PDCD6IP: variants seen among roughly 807,000 people sequenced by gnomAD.
The protein encoded by PDCD6IP is programmed cell death 6-interacting protein.
In PDCD6IP, 43 loss-of-function variants were observed where a neutral mutation model predicts 103.7. The ratio of observed to expected loss-of-function variants is 0.41; its 90% CI spans 0.32 to 0.53. PDCD6IP has a LOEUF of 0.53. Ranked by LOEUF, PDCD6IP falls within the 20% of genes least tolerant of loss-of-function variation. The probability of loss-of-function intolerance (pLI) is 0.16; values close to 1 mark genes in which losing one functional copy is unlikely to be tolerated. For missense variants in PDCD6IP, 871 were observed against 1,036.7 expected (o/e 0.84, Z 2.20); for synonymous variants, 354 against 378.7 (o/e 0.93, Z 0.76).
At chr3:33,845,658 G>C in intron 12 of PDCD6IP, 70 bp downstream of exon 12, 3 of 1,178,552 alleles carry the variant, frequency 2.5e-6, no homozygotes, top group Admixed American at 2.4e-5. Context: ...TTTATATAAT[G>C]AACTGCCAAT....
intron 1 of PDCD6IP, among the ~76,000 whole-genome samples, chr3:33,809,911 G>C (rs1696679586): frequency 6.6e-6 from 1 of 152,186 alleles, no homozygotes; most frequent in Non-Finnish European, 1.5e-5. Context: ...CCAGCGAAGT[G>C]ATGCTGTGTT....
intron 12 of PDCD6IP, among the ~76,000 whole-genome samples, chr3:33,850,069 T>G (rs1315302941): frequency 1.3e-5 from 2 of 152,220 alleles, no homozygotes; most frequent in African/African-American, 4.8e-5. Flanking sequence ...GTAATATGAT[T>G]GAATACTTAC....
At chr3:33,836,309 A>G (rs1559786758) in intron 8 of PDCD6IP, 43 bp downstream of exon 8, 2 of 1,132,672 alleles carry the variant, frequency 1.8e-6, no homozygotes, top group East Asian at 2.4e-5. Flanking sequence ...ATTTTTCTCT[A>G]GTTTACTCTG....
chr3:33,844,684 T>G (rs1171410287), intron 11 of PDCD6IP, among the ~76,000 whole-genome samples: 1 of 152,120 alleles, frequency 6.6e-6, no homozygotes, highest in Non-Finnish European at 1.5e-5. Context: ...TTTTACCATG[T>G]TGCCCTGGCT....
chr3:33,809,902 C>T (rs551024834), intron 1 of PDCD6IP, among the ~76,000 whole-genome samples: 15 of 152,266 alleles, frequency 9.9e-5, no homozygotes, highest in South Asian at 8.3e-4. Context: ...ATAGGAGTAC[C>T]AGCGAAGTGA....
chr3:33,799,989 G>A (rs1357962438), intron 1 of PDCD6IP, among the ~76,000 whole-genome samples: 3 of 151,782 alleles, frequency 2.0e-5, no homozygotes, highest in African/African-American at 7.3e-5. Flanking sequence ...GCGTGGTGGC[G>A]GGTGCCTGTA....
chr3:33,814,930 A>G (rs1489365759), intron 3 of PDCD6IP, among the ~76,000 whole-genome samples: 1 of 146,688 alleles, frequency 6.8e-6, no homozygotes, highest in African/African-American at 2.5e-5. Flanking sequence ...TATATAAGAA[A>G]TATGTATATA....
intron 12 of PDCD6IP, among the ~76,000 whole-genome samples, chr3:33,851,013 A>G (rs1697701760): frequency 6.6e-6 from 1 of 152,092 alleles, no homozygotes. Context: ...AAGGCCAAAA[A>G]GGAAATTCAC....
At chr3:33,860,465 A>G (rs1252912263) in intron 15 of PDCD6IP, among the ~76,000 whole-genome samples, 2 of 152,222 alleles carry the variant, frequency 1.3e-5, no homozygotes, top group East Asian at 3.9e-4. Flanking sequence ...GCGTACACCC[A>G]GGCAACCAGC....
intron 15 of PDCD6IP, among the ~76,000 whole-genome samples, chr3:33,862,775 A>G (rs969408478): frequency 6.6e-6 from 1 of 152,218 alleles, no homozygotes; most frequent in Non-Finnish European, 1.5e-5. Flanking sequence ...AACATTAGCT[A>G]CATAACTATG....
At chr3:33,850,661 C>T (rs776506804) in intron 12 of PDCD6IP, among the ~76,000 whole-genome samples, 94 of 151,914 alleles carry the variant, frequency 6.2e-4, no homozygotes, top group Non-Finnish European at 1.2e-3. Context: ...CTTTTTTTCT[C>T]ATTTAATAAT....
intron 12 of PDCD6IP, among the ~76,000 whole-genome samples, chr3:33,850,506 T>C (rs1439383089): frequency 6.6e-6 from 1 of 152,052 alleles, no homozygotes; most frequent in Non-Finnish European, 1.5e-5. Flanking sequence ...TGATTTTCTT[T>C]TTGCAAGAAC....
intron 15 of PDCD6IP, among the ~76,000 whole-genome samples, chr3:33,859,106 A>G (rs1190995841): frequency 1.3e-5 from 2 of 152,224 alleles, no homozygotes; most frequent in Non-Finnish European, 2.9e-5. Flanking sequence ...AGAATAGAAA[A>G]TAGAAATAGA....
At chr3:33,812,213 A>T in intron 2 of PDCD6IP, 87 bp downstream of exon 2, 1 of 1,481,464 alleles carries the variant, frequency 6.8e-7, no homozygotes, top group Non-Finnish European at 9.0e-7. Context: ...GAGTTTTATG[A>T]GATAGTGTTA....
chr3:33,807,015 A>G (rs946968656), intron 1 of PDCD6IP, among the ~76,000 whole-genome samples: 5 of 152,138 alleles, frequency 3.3e-5, no homozygotes, highest in Non-Finnish European at 7.4e-5. Context: ...AATCTGTCCT[A>G]AGATAGCCAT....
In PDCD6IP at chr3:33,828,895, G is replaced by A; in HGVS notation, c.760G>A (p.Ala254Thr). The A allele has an allele frequency of 6.2e-7, 1 of 1,612,418 alleles. No homozygotes were observed. Among genetic ancestry groups the A allele is most frequent in the Non-Finnish European group, 8.5e-7 (1 of 1,178,848 alleles). Residue 254 changes from alanine to threonine, a missense_variant, in exon 7 of 18, where the codon GCC becomes ACC. Ala to Thr is a moderately conservative substitution (Grantham distance 58). Transcript: ENST00000307296. ...VLAAKHCIMQ[A>T]NAEYHQSILA... ...GGCTGCAAAGCACTGTATCATGCAGGCCAATGCTGAGTACCATCAGTCTAT... is the reference window on the plus strand; with the variant it reads ...GGCTGCAAAGCACTGTATCATGCAGACCAATGCTGAGTACCATCAGTCTAT...
At chr3:33,803,300 T>C (rs2125540529) in intron 1 of PDCD6IP, among the ~76,000 whole-genome samples, 1 of 152,356 alleles carries the variant, frequency 6.6e-6, no homozygotes, top group African/African-American at 2.4e-5. Flanking sequence ...ATATCCTTGC[T>C]AATACGTACT....
chr3:33,813,298 A>G lies in PDCD6IP; in HGVS notation c.265-261A>G, dbSNP rs920725620. ...CTACTTATTTTGTTCCGTTGAAGTC[A>G]TTGTGTGTTTATAAAGATGAATAAG... On this transcript the variant is annotated intron_variant, in intron 2 of 17. Transcript: ENST00000307296. The G allele has an allele frequency of 2.8e-5, 8 of 290,660 alleles. No individual in the cohort carries two copies. In the East Asian group the frequency reaches 3.0e-4, roughly 11 times the overall value. The allele number at this position is 290,660 out of a possible 1,614,324, so 18.0% of individuals were successfully genotyped here. A position where few individuals can be genotyped will look rare whatever the true frequency, so the allele number is the denominator to read the frequency against.
In PDCD6IP at chr3:33,845,394, T is replaced by C. The variant is rs368520639; in HGVS notation, c.1472-25T>C. 8 of 1,595,002 alleles carry C rather than the reference T, an allele frequency of 5.0e-6. No homozygotes were observed. In the African/African-American group the frequency reaches 9.4e-5, roughly 19 times the overall value. ...GTTGCTGTTAGAATCACTTCTGTGCTCTGCAAACTTTTATTTTCTCCCAGA... is the reference window on the plus strand; with the variant it reads ...GTTGCTGTTAGAATCACTTCTGTGCCCTGCAAACTTTTATTTTCTCCCAGA... On this transcript the variant is annotated intron_variant, in intron 11 of 17. Coordinates refer to ENST00000307296, the MANE Select transcript of PDCD6IP (RefSeq NM_013374.6).
Sources: allele counts gnomAD v4.1 joint callset (sites outside exome capture counted in the v4.1 genomes callset), GRCh38; gene constraint gnomAD v4.1.1; transcripts MANE v1.5; gene names NCBI Gene and HGNC (gene_info 2026-07-23, HGNC 2026-07-21).